The following ETFBKMT variants were observed in gnomAD, a reference collection of about 807,000 sequenced individuals.
ETFBKMT encodes electron transfer flavoprotein beta subunit lysine methyltransferase.
Under a neutral mutation model 18.3 loss-of-function variants are expected in ETFBKMT, and 13 were observed. That is an observed-to-expected ratio of 0.71 (90% CI 0.46 to 1.13). ETFBKMT has a LOEUF of 1.13. ETFBKMT is among the 50% of genes most tolerant of loss of function. The pLI is 0.00. For synonymous variants in ETFBKMT, 84 were observed against 107.9 expected, an observed-to-expected ratio of 0.78 and a Z score of 1.37; for missense variants, 293 against 306.2, an observed-to-expected ratio of 0.96 and a Z score of 0.32.
chr12:31,661,696 T>A (rs1951126177), intron 1 of ETFBKMT, 145 bp from the exon 2 acceptor site: 2 of 383,560 alleles, frequency 5.2e-6, no homozygotes, highest in East Asian at 1.1e-4. Context: ...CCTGACCTCG[T>A]GATCCACCCG....
chr12:31,661,983 C>T lies in ETFBKMT; in HGVS notation c.30C>T (p.His10=). 1.9e-6 allele frequency: 3 copies of T among 1,614,138 alleles called. No individual in the cohort carries two copies. Among genetic ancestry groups the T allele is most frequent in the Non-Finnish European group, 2.5e-6 (3 of 1,179,998 alleles). MALSLGWKA[H]RNHCGLLLQA... ...CTTTGAGTCTAGGTTGGAAAGCACA[C>T]AGGAACCACTGTGGTCTCCTCTTGC... Residue 10 remains histidine (H), a synonymous_variant, in exon 2 of 4, where the codon CAC becomes CAT. Transcript: ENST00000357721.
intron 3 of ETFBKMT, among the ~76,000 whole-genome samples, chr12:31,666,850 G>T (rs1323513118): frequency 6.6e-6 from 1 of 151,284 alleles, no homozygotes; most frequent in Non-Finnish European, 1.5e-5. Flanking sequence ...GTAGAGATGG[G>T]GTTTCACCGT....
rs75791690 is a variant in ETFBKMT at position 31,668,467 on chromosome 12, T to C, written c.*477T>C. 0.026 allele frequency: 3,984 copies of C among 152,150 alleles called. 123 individuals are homozygous for C. The highest frequency in any genetic ancestry group is 0.1 in the East Asian group (518 of 5,168). The allele number at this position is 152,150 out of a possible 1,614,324, so 9.4% of individuals were successfully genotyped here. A position where few individuals can be genotyped will look rare whatever the true frequency, so the allele number is the denominator to read the frequency against. ...CAGTGGCTATTCAGAGGCTTAATCA[T>C]TGGGCACTGCAGCCTTGAACTCTGG... On this transcript the variant is annotated 3_prime_UTR_variant, in exon 4 of 4. Coordinates refer to ENST00000357721, the MANE Select transcript of ETFBKMT (RefSeq NM_001135863.2).
At chr12:31,649,062 C>T (rs1245830469) in intron 1 of ETFBKMT, among the ~76,000 whole-genome samples, 5 of 152,228 alleles carry the variant, frequency 3.3e-5, no homozygotes, top group Non-Finnish European at 7.3e-5. Context: ...ATGCCAACCT[C>T]TGCCTCAGCC....
rs199568192 is a variant in ETFBKMT, at chr12:31,662,148, T to C, written c.195T>C (p.Pro65=). 3.7e-6 allele frequency: 6 copies of C among 1,614,226 alleles called. No individual in the cohort carries two copies. Among genetic ancestry groups the C allele is most frequent in the Middle Eastern group, 1.6e-4 (1 of 6,062 alleles). The change falls in exon 2 of 4, where the codon CCT becomes CCC. Residue 65 remains proline (P), a synonymous_variant. Transcript: ENST00000357721. Reference sequence around the variant, plus strand: ...TCACCAGCAGTGGTAGCCTCACCCCTGAAATCCAGTTGCGGCTTTTGACCC... The same window carrying C: ...TCACCAGCAGTGGTAGCCTCACCCCCGAAATCCAGTTGCGGCTTTTGACCC... ...TEVTSSGSLT[P]EIQLRLLTPR... is the part of the protein sequence containing the mutation.
rs539158007 is a variant in ETFBKMT at position 31,670,305 on chromosome 12, C to A, written c.*2315C>A. Reference sequence around the variant, plus strand: ...TTGCGTTTCTAATTTGTGAGGCATTCTCTCTTTAACCTTAATTCTCTAATG... The same window carrying A: ...TTGCGTTTCTAATTTGTGAGGCATTATCTCTTTAACCTTAATTCTCTAATG... On this transcript the variant is annotated 3_prime_UTR_variant, in exon 4 of 4. Coordinates refer to ENST00000357721, the MANE Select transcript of ETFBKMT (RefSeq NM_001135863.2). 6.6e-6 allele frequency: 1 copy of A among 152,358 alleles called. No homozygotes were observed. The highest frequency in any genetic ancestry group is 1.9e-4 in the East Asian group (1 of 5,190). The allele number at this position is 152,358 out of a possible 1,614,324, so 9.4% of individuals were successfully genotyped here.
chr12:31,665,564 G>GACACT (rs1381851840), intron 2 of ETFBKMT, among the ~76,000 whole-genome samples: 1 of 152,046 alleles, frequency 6.6e-6, no homozygotes, highest in Admixed American at 6.6e-5. Context: ...CTAACCCAGT[G>GACACT]ACACTAGAGG....
intron 1 of ETFBKMT, among the ~76,000 whole-genome samples, chr12:31,651,250 C>G (rs1382892268): frequency 1.3e-5 from 2 of 151,656 alleles, no homozygotes; most frequent in Non-Finnish European, 2.9e-5. Flanking sequence ...TCCCCACTGA[C>G]GTGTCCATTC....
rs757210818 is a variant in ETFBKMT at position 31,667,636 on chromosome 12, T to A, written c.446-11T>A. ...TATACCAATTCATTTTGTGCTTTTT[T>A]TTTTTTTAAGTTGCAGGAATGGCTA... is the stretch of plus-strand genomic sequence containing the variant. On this transcript the variant is annotated splice_polypyrimidine_tract_variant and intron_variant, in intron 3 of 3. Coordinates refer to ENST00000357721, the MANE Select transcript of ETFBKMT (RefSeq NM_001135863.2). 3.8e-6 allele frequency: 6 copies of A among 1,573,196 alleles called. No individual in the cohort carries two copies. The highest frequency in any genetic ancestry group is 5.2e-6 in the Non-Finnish European group (6 of 1,160,396).
At chr12:31,662,694 C>T (rs555053552) in intron 2 of ETFBKMT, among the ~76,000 whole-genome samples, 2 of 152,068 alleles carry the variant, frequency 1.3e-5, no homozygotes, top group Admixed American at 1.3e-4. Flanking sequence ...GCTTATCAAG[C>T]TATTTTCCCA....
upstream of ETFBKMT, among the ~76,000 whole-genome samples, chr12:31,658,658 C>G (rs1951082366): frequency 6.6e-6 from 1 of 152,142 alleles, no homozygotes; most frequent in Non-Finnish European, 1.5e-5. Context: ...TTTCCTGTTT[C>G]TTAGTTTTGG....
At chr12:31,653,208 C>CAAAA (rs33928613) in intron 1 of ETFBKMT, among the ~76,000 whole-genome samples, 8 of 95,370 alleles carry the variant, frequency 8.4e-5, no homozygotes, top group Admixed American at 1.2e-4. Flanking sequence ...GACTCCGTCT[C>CAAAA]AAAAAAAAAA....
intron 1 of ETFBKMT, among the ~76,000 whole-genome samples, chr12:31,649,445 T>G (rs1312145721): frequency 6.6e-6 from 1 of 152,200 alleles, no homozygotes; most frequent in East Asian, 1.9e-4. Context: ...TTATTGTGCC[T>G]CACAGATATT....
Position 31,661,906 on chromosome 12 carries a change from C to T in ETFBKMT, c.-48C>T, listed in dbSNP as rs767925564. The stretch of plus-strand genomic sequence containing the variant: ...CTTGTTCATTCTCCTTGAGAAGCAG[C>T]TATTATCAACAGAACATTGACAGAA... On this transcript the variant is annotated 5_prime_UTR_variant, in exon 2 of 4. Coordinates refer to ENST00000357721, the MANE Select transcript of ETFBKMT (RefSeq NM_001135863.2). 9.1e-6 allele frequency: 14 copies of T among 1,541,638 alleles called. No individual in the cohort carries two copies. Among genetic ancestry groups the T allele is most frequent in the Non-Finnish European group, 1.2e-5 (14 of 1,131,570 alleles).
chr12:31,664,205 GC>G (rs1486389888), intron 2 of ETFBKMT, among the ~76,000 whole-genome samples: 2 of 151,782 alleles, frequency 1.3e-5, no homozygotes, highest in Non-Finnish European at 2.9e-5. Context: ...TGTTATTTCA[GC>G]GTTTCTCCAT....
rs1469249577 is a variant in ETFBKMT at position 31,662,227 on chromosome 12, T to G, written c.274T>G (p.Tyr92Asp). 1 of 1,614,244 alleles carries G rather than the reference T, an allele frequency of 6.2e-7. No homozygotes were observed. Among genetic ancestry groups the G allele is most frequent in the Non-Finnish European group, 8.5e-7 (1 of 1,180,050 alleles). ...TGACCTGTGGCCCCACAGTGATCCT[T>G]ACTGGGCAATCTACTGGCCAGGAGG... The part of the protein sequence containing the change: ...RADLWPHSDP[Y>D]WAIYWPGGQA... The change falls in exon 2 of 4, where the codon TAC becomes GAC. Residue 92 changes from tyrosine (Y) to aspartate (D), a missense_variant. By Grantham distance (160) the Tyr-to-Asp change is radical (BLOSUM62 -3). Coordinates refer to ENST00000357721, the MANE Select transcript of ETFBKMT (RefSeq NM_001135863.2).
chr12:31,672,522 A>G lies in ETFBKMT; in HGVS notation c.*4532A>G, dbSNP rs914902116. 3.3e-6 allele frequency: 2 copies of G among 599,546 alleles called. No individual in the cohort carries two copies. Among genetic ancestry groups the G allele is most frequent in the Non-Finnish European group, 5.9e-6 (2 of 336,972 alleles). 37.1% of individuals were successfully genotyped at this position (599,546 alleles called of 1,614,324 possible). A position where few individuals can be genotyped will look rare whatever the true frequency, so the allele number is the denominator to read the frequency against. Reference sequence around the variant, plus strand: ...ATCTATAAAGCACAATATACAACTAACTCACTAATAATTAATTAATGGTAG... The same window carrying G: ...ATCTATAAAGCACAATATACAACTAGCTCACTAATAATTAATTAATGGTAG... On this transcript the variant is annotated 3_prime_UTR_variant, in exon 4 of 4. Coordinates refer to ENST00000357721, the MANE Select transcript of ETFBKMT (RefSeq NM_001135863.2).
At chr12:31,658,681 C>G (rs182976933), upstream of ETFBKMT, among the ~76,000 whole-genome samples, 1 of 152,186 alleles carries the variant, frequency 6.6e-6, no homozygotes, top group Non-Finnish European at 1.5e-5. Flanking sequence ...CGTTTTCCCC[C>G]CTCTAGCACG....
chr12:31,658,275 C>T (rs1405917352), upstream of ETFBKMT, among the ~76,000 whole-genome samples: 1 of 152,148 alleles, frequency 6.6e-6, no homozygotes, highest in Non-Finnish European at 1.5e-5. Context: ...CAAGCGTTTA[C>T]ATCAGCAACT....
Sources: gnomAD v4.1 joint callset for allele counts (sites outside exome capture counted in the v4.1 genomes callset) on GRCh38, gnomAD v4.1.1 for gene constraint, MANE v1.5 for transcripts, NCBI Gene and HGNC (gene_info 2026-07-23, HGNC 2026-07-21) for gene names.